IRF2: variants seen among roughly 807,000 people sequenced by gnomAD.
IRF2 encodes the protein interferon regulatory factor 2.
IRF2 carries 15 observed loss-of-function variants against 40.6 expected under a neutral mutation model. The ratio of observed to expected loss-of-function variants is 0.37; its 90% CI spans 0.25 to 0.57. The LOEUF is 0.57. Among genes scored for constraint, IRF2 ranks in the 20% least tolerant of loss-of-function variants. IRF2 has a pLI of 0.77. For missense variants in IRF2, 317 were observed against 455.7 expected, an observed-to-expected ratio of 0.70 and a Z score of 2.77; for synonymous variants, 151 against 165.5, an observed-to-expected ratio of 0.91 and a Z score of 0.67.
intron 1 of IRF2, among the ~76,000 whole-genome samples, chr4:184,431,600 G>GGCA (rs1378361910): frequency 2.6e-5 from 4 of 151,980 alleles, no homozygotes; most frequent in South Asian, 2.1e-4. Flanking sequence ...AATCCAGAGC[G>GGCA]GTCAAGAAAA....
chr4:184,401,796 T>C (rs1381110480), intron 6 of IRF2, among the ~76,000 whole-genome samples: 1 of 152,156 alleles, frequency 6.6e-6, no homozygotes, highest in Non-Finnish European at 1.5e-5. Flanking sequence ...GCAGTGAAGG[T>C]CTTAGATAAA....
At chr4:184,473,001 A>T (rs1369205080) in intron 1 of IRF2, among the ~76,000 whole-genome samples, 2 of 151,520 alleles carry the variant, frequency 1.3e-5, no homozygotes, top group African/African-American at 4.9e-5. Context: ...TACACCCGCG[A>T]CCCTTGGAAC....
At chr4:184,400,150 G>A (rs971919437) in intron 6 of IRF2, among the ~76,000 whole-genome samples, 4 of 152,154 alleles carry the variant, frequency 2.6e-5, no homozygotes, top group Non-Finnish European at 2.9e-5. Context: ...ACACCAAACA[G>A]TTCCATCACG....
rs2303418 is a variant in IRF2 at position 184,474,329 on chromosome 4, G to C, written c.-7+50C>G. 5 of 152,356 alleles carry C rather than the reference G, an allele frequency of 3.3e-5. No homozygotes were observed. Among genetic ancestry groups the C allele is most frequent in the Non-Finnish European group, 7.3e-5 (5 of 68,238 alleles). The allele number at this position is 152,356 out of a possible 1,614,324, so 9.4% of individuals were successfully genotyped here. ...GGCCCCCCACAGTCCCCAGAAACATGCCCTCGAGAGAAACACACACAGTCA... is the reference window on the plus strand; with the variant it reads ...GGCCCCCCACAGTCCCCAGAAACATCCCCTCGAGAGAAACACACACAGTCA... On this transcript the variant is annotated intron_variant, in intron 1 of 8. Coordinates refer to ENST00000393593, the MANE Select transcript of IRF2 (RefSeq NM_002199.4). This position sits in a 1 kb window ranked among gnomAD's most constrained non-coding sequence, Gnocchi z 5.6.
At position 184,448,040 on chromosome 4, in the gene IRF2, G is replaced by T. The variant is rs2149911806; in HGVS notation, c.-6-18970C>A. Among the ~76,000 whole-genome samples the T allele has an allele frequency of 6.6e-6, 1 of 152,334 alleles. No individual in the cohort carries two copies. Among genetic ancestry groups the T allele is most frequent in the African/African-American group, 2.4e-5 (1 of 41,566 alleles). ...CAGCAAAGACACATTCAAGTACTCA[G>T]GAGTGATGGGATATCAGTATTGGCA... On this transcript the variant is annotated intron_variant, in intron 1 of 8. Coordinates refer to ENST00000393593, the MANE Select transcript of IRF2 (RefSeq NM_002199.4). This position sits in a 1 kb window ranked among gnomAD's most constrained non-coding sequence, Gnocchi z 4.3.
chr4:184,468,282 G>T (rs1049420707), intron 1 of IRF2, among the ~76,000 whole-genome samples: 1 of 136,780 alleles, frequency 7.3e-6, no homozygotes, highest in African/African-American at 3.5e-5. Flanking sequence ...GAGGTCAGGA[G>T]TTCGAGACCA....
chr4:184,390,884 A>G, intron 7 of IRF2, 135 bp from the exon 8 acceptor site: 1 of 837,346 alleles, frequency 1.2e-6, no homozygotes, highest in Non-Finnish European at 2.0e-6. Context: ...GAAACATTCT[A>G]CATGGGAGAA....
At chr4:184,419,411 A>G (rs1327493827) in intron 3 of IRF2, 58 bp downstream of exon 3, 3 of 1,193,812 alleles carry the variant, frequency 2.5e-6, no homozygotes, top group Non-Finnish European at 3.7e-6. Context: ...TATGTGTAAT[A>G]AAAACAAAAC....
At chr4:184,469,146 G>A (rs1739430918) in intron 1 of IRF2, among the ~76,000 whole-genome samples, 1 of 152,162 alleles carries the variant, frequency 6.6e-6, no homozygotes. Flanking sequence ...ATAATTGCAT[G>A]GGGTCCCTGG....
At chr4:184,456,674 G>A (rs1024065723) in intron 1 of IRF2, among the ~76,000 whole-genome samples, 1 of 152,258 alleles carries the variant, frequency 6.6e-6, no homozygotes, top group Non-Finnish European at 1.5e-5. Flanking sequence ...GAGCCCAGGG[G>A]CACCAATGTC....
At chr4:184,418,325 G>T in intron 4 of IRF2, 112 bp from the exon 5 acceptor site, 1 of 1,016,026 alleles carries the variant, frequency 9.8e-7, no homozygotes, top group Non-Finnish European at 1.6e-6. Flanking sequence ...GCTTTAATCT[G>T]TACATGGTCA....
intron 1 of IRF2, among the ~76,000 whole-genome samples, chr4:184,436,339 T>C (rs1419828093): frequency 6.6e-6 from 1 of 152,130 alleles, no homozygotes. Context: ...AAACACACAT[T>C]GTTACAAGGA....
intron 6 of IRF2, among the ~76,000 whole-genome samples, chr4:184,405,741 A>C (rs910771501): frequency 2.0e-5 from 3 of 152,222 alleles, no homozygotes; most frequent in Admixed American, 6.5e-5. Flanking sequence ...GGAAGATAGG[A>C]GGAGCTGACA....
At chr4:184,438,937 T>C (rs901067169) in intron 1 of IRF2, among the ~76,000 whole-genome samples, 4 of 152,186 alleles carry the variant, frequency 2.6e-5, no homozygotes, top group Non-Finnish European at 5.9e-5. Flanking sequence ...CAGACTCTCA[T>C]GGGACCCTGA....
At chr4:184,402,038 G>A (rs779814740) in intron 6 of IRF2, among the ~76,000 whole-genome samples, 6 of 152,182 alleles carry the variant, frequency 3.9e-5, no homozygotes, top group South Asian at 2.1e-4. Flanking sequence ...TGGAACACCT[G>A]CTTGCACCTC....
chr4:184,444,785 T>C (rs997592510), intron 1 of IRF2, among the ~76,000 whole-genome samples: 9 of 152,254 alleles, frequency 5.9e-5, no homozygotes, highest in African/African-American at 1.7e-4. Context: ...TTAAAACTTA[T>C]GAATTGTTTA....
intron 6 of IRF2, among the ~76,000 whole-genome samples, chr4:184,401,440 G>A (rs557233830): frequency 6.6e-5 from 10 of 152,282 alleles, no homozygotes; most frequent in East Asian, 3.9e-4. Context: ...AAGGGAAACC[G>A]GATCCTGTTT....
At chr4:184,445,441 C>A (rs2149910763) in intron 1 of IRF2, among the ~76,000 whole-genome samples, 1 of 152,166 alleles carries the variant, frequency 6.6e-6, no homozygotes, top group South Asian at 2.1e-4. Context: ...ATTACGTGAG[C>A]TCAAGAGATC....
chr4:184,395,895 TC>T (rs1736438072), intron 7 of IRF2, among the ~76,000 whole-genome samples: 2 of 152,224 alleles, frequency 1.3e-5, no homozygotes, highest in African/African-American at 4.8e-5. Flanking sequence ...GATCTGCTGT[TC>T]TCCGGAATCT....
Sources: allele counts gnomAD v4.1 joint callset (sites outside exome capture counted in the v4.1 genomes callset), GRCh38; gene constraint gnomAD v4.1.1; non-coding constraint Gnocchi (gnomAD v3.1); transcripts MANE v1.5; gene names NCBI Gene and HGNC (gene_info 2026-07-23, HGNC 2026-07-21).